The following QRICH1 variants were observed in gnomAD, a reference collection of about 807,000 sequenced individuals.
The protein encoded by QRICH1 is glutamine rich 1.
In QRICH1, 16 loss-of-function variants were observed where a neutral mutation model predicts 87.1. The observed-to-expected ratio is 0.18, with a 90% CI of 0.12 to 0.28. QRICH1 has a LOEUF of 0.28. QRICH1 is among the 10% of genes least tolerant of loss of function. The pLI, the probability that QRICH1 is intolerant of heterozygous loss-of-function variation, is 1.00. For missense variants in QRICH1, 647 were observed against 951.7 expected, an observed-to-expected ratio of 0.68 and a Z score of 4.21; for synonymous variants, 367 against 368.4, an observed-to-expected ratio of 1.00 and a Z score of 0.05.
intron 6 of QRICH1, among the ~76,000 whole-genome samples, chr3:49,038,536 T>C (rs768853758): frequency 2.0e-5 from 3 of 151,974 alleles, no homozygotes; most frequent in Non-Finnish European, 4.4e-5. Flanking sequence ...TGCCTCAGCC[T>C]CCCGAGTAGC....
chr3:49,071,864 T>C (rs1175668976), intron 2 of QRICH1, among the ~76,000 whole-genome samples: 2 of 152,288 alleles, frequency 1.3e-5, no homozygotes, highest in South Asian at 4.1e-4. Flanking sequence ...AGTTAATTTT[T>C]GTACTTTTGT....
intron 2 of QRICH1, among the ~76,000 whole-genome samples, chr3:49,073,964 G>A (rs1032903606): frequency 2.6e-5 from 4 of 151,354 alleles, no homozygotes; most frequent in African/African-American, 9.7e-5. Context: ...TTTATTTTTT[G>A]TAGAGACGGG....
At chr3:49,056,724 C>T (rs1394157335) in intron 3 of QRICH1, 138 bp downstream of exon 3, 13 of 1,409,568 alleles carry the variant, frequency 9.2e-6, no homozygotes, top group South Asian at 1.3e-5. Context: ...GTTTCTCCCC[C>T]TCTTCTCCCA....
chr3:49,055,882 T>C (rs1437877646), intron 3 of QRICH1, among the ~76,000 whole-genome samples: 1 of 152,192 alleles, frequency 6.6e-6, no homozygotes, highest in African/African-American at 2.4e-5. Flanking sequence ...TTTCACCATG[T>C]TGGCCAAGCT....
At chr3:49,046,657 A>G (rs2093341083) in intron 4 of QRICH1, 78 bp from the exon 5 acceptor site, 2 of 1,487,312 alleles carry the variant, frequency 1.3e-6, no homozygotes, top group Non-Finnish European at 1.8e-6. Context: ...ACTGCCCATC[A>G]GGGTGCTGGG....
intron 1 of QRICH1, among the ~76,000 whole-genome samples, chr3:49,079,618 C>T (rs1384319835): frequency 1.3e-5 from 2 of 152,062 alleles, no homozygotes; most frequent in South Asian, 4.1e-4. Context: ...CTTTGCCTAA[C>T]TACAGATTCA....
At position 49,032,823 on chromosome 3, in the gene QRICH1, C is replaced by T. The variant is rs372595120; in HGVS notation, c.1896-50G>A. On this transcript the variant is annotated intron_variant, in intron 7 of 9. Coordinates refer to ENST00000395443, the MANE Select transcript of QRICH1 (RefSeq NM_198880.3). ...CAGAGGGAGGGGTGCCGGGAGGATA[C>T]CATGACTCATCCTCTGCCCACTGGT... The T allele has an allele frequency of 1.4e-5, 22 of 1,565,794 alleles. No individual in the cohort carries two copies. The African/African-American group carries it at 3.0e-4, about 22-fold the overall frequency.
intron 1 of QRICH1, chr3:49,086,961 T>A (rs945838214): frequency 6.6e-6 from 1 of 152,224 alleles, no homozygotes; most frequent in Non-Finnish European, 1.5e-5. Flanking sequence ...CCAGTTTGAA[T>A]ACATTCATAT....
chr3:49,046,727 T>C, intron 4 of QRICH1, 148 bp from the exon 5 acceptor site: 2 of 925,948 alleles, frequency 2.2e-6, no homozygotes, highest in East Asian at 5.3e-5. Flanking sequence ...AGAACTGGCC[T>C]ATAACATGAG....
intron 2 of QRICH1, among the ~76,000 whole-genome samples, chr3:49,063,504 T>G (rs1256997105): frequency 6.6e-6 from 1 of 152,130 alleles, no homozygotes; most frequent in Non-Finnish European, 1.5e-5. Context: ...AAGCCTGAAT[T>G]TGGGGCTGGG....
intron 6 of QRICH1, among the ~76,000 whole-genome samples, chr3:49,037,862 C>T (rs2093285192): frequency 6.6e-6 from 1 of 151,940 alleles, no homozygotes; most frequent in Admixed American, 6.6e-5. Context: ...GCCTGTAATC[C>T]CAGCTACTCA....
At chr3:49,051,597 T>G (rs187155100) in intron 3 of QRICH1, among the ~76,000 whole-genome samples, 1 of 6,040 alleles carries the variant, frequency 1.7e-4, no homozygotes, top group Non-Finnish European at 2.9e-4. Flanking sequence ...CCCCCCCCCC[T>G]CCGCTTAATA....
chr3:49,042,620 T>A (rs1437007050), intron 6 of QRICH1, among the ~76,000 whole-genome samples: 1 of 151,850 alleles, frequency 6.6e-6, no homozygotes, highest in Non-Finnish European at 1.5e-5. Flanking sequence ...GTCACCAGGC[T>A]GGAATGCAGT....
intron 9 of QRICH1, 86 bp from the exon 10 acceptor site, chr3:49,030,730 A>G: frequency 2.5e-6 from 3 of 1,187,148 alleles, no homozygotes; most frequent in Non-Finnish European, 3.5e-6. Context: ...TGCTGTCTGC[A>G]AACAGTAAGG....
chr3:49,081,736 A>C (rs2042064671), intron 1 of QRICH1, among the ~76,000 whole-genome samples: 1 of 152,180 alleles, frequency 6.6e-6, no homozygotes, highest in Admixed American at 6.6e-5. Context: ...CCTGGGCTCA[A>C]GAGATCTGCC....
At chr3:49,034,505 G>C (rs1241347849) in intron 6 of QRICH1, among the ~76,000 whole-genome samples, 1 of 151,826 alleles carries the variant, frequency 6.6e-6, no homozygotes, top group Non-Finnish European at 1.5e-5. Flanking sequence ...CTAGAGTACA[G>C]TGACACAATC....
intron 2 of QRICH1, among the ~76,000 whole-genome samples, chr3:49,070,902 G>A (rs945293265): frequency 1.1e-4 from 17 of 152,002 alleles, no homozygotes; most frequent in Admixed American, 6.6e-4. Context: ...AGTGATCTCG[G>A]TCAGTGGCTT....
intron 6 of QRICH1, among the ~76,000 whole-genome samples, chr3:49,039,730 A>C (rs1175905406): frequency 1.3e-5 from 2 of 151,900 alleles, no homozygotes; most frequent in African/African-American, 4.8e-5. Flanking sequence ...TGGAAAAAAT[A>C]AACTTAAAAA....
intron 1 of QRICH1, among the ~76,000 whole-genome samples, chr3:49,090,185 C>G (rs2042247010): frequency 6.6e-6 from 1 of 152,122 alleles, no homozygotes. Context: ...ATCAGCCGGG[C>G]ACAGTGGCTC....
Sources: gnomAD v4.1 joint callset for allele counts (sites outside exome capture counted in the v4.1 genomes callset) on GRCh38, gnomAD v4.1.1 for gene constraint, MANE v1.5 for transcripts, NCBI Gene and HGNC (gene_info 2026-07-23, HGNC 2026-07-21) for gene names.